ANKRD33B: variants seen among roughly 807,000 people sequenced by gnomAD.
ANKRD33B encodes the protein ankyrin repeat domain 33B.
Under a neutral mutation model 21.5 loss-of-function variants are expected in ANKRD33B, and 6 were observed. That is an observed-to-expected ratio of 0.28 (90% CI 0.15 to 0.55). ANKRD33B has a LOEUF of 0.55. Ranked by LOEUF, ANKRD33B falls within the 20% of genes least tolerant of loss-of-function variation. The pLI, the probability that ANKRD33B is intolerant of heterozygous loss-of-function variation, is 0.94. For synonymous variants in ANKRD33B, 347 were observed against 342.4 expected (o/e 1.01, Z -0.15); for missense variants, 698 against 747.2 (o/e 0.93, Z 0.77).
intron 1 of ANKRD33B, among the ~76,000 whole-genome samples, chr5:10,583,613 C>G (rs1735493162): frequency 1.3e-5 from 2 of 152,148 alleles, no homozygotes; most frequent in East Asian, 3.9e-4. Flanking sequence ...AGTTGTGAAC[C>G]TGAGTGCCTT....
chr5:10,616,952 A>G (rs1323862531), intron 1 of ANKRD33B, among the ~76,000 whole-genome samples: 2 of 152,242 alleles, frequency 1.3e-5, no homozygotes, highest in African/African-American at 4.8e-5. Flanking sequence ...GCCCAGGATC[A>G]GGGCGCTAGC....
intron 1 of ANKRD33B, among the ~76,000 whole-genome samples, chr5:10,594,648 A>G (rs1378233504): frequency 6.6e-6 from 1 of 152,150 alleles, no homozygotes; most frequent in Non-Finnish European, 1.5e-5. Flanking sequence ...TGAAGCCCTC[A>G]GAGGGTATTT....
chr5:10,656,396 C>A lies in ANKRD33B; in HGVS notation c.*6283C>A, dbSNP rs1737488886. ...GCAGTGCCAATGTGGACAGTGTACA[C>A]TAAGCTGTGAGTGTGTGCACGGGCG... On this transcript the variant is annotated 3_prime_UTR_variant, in exon 4 of 4. Transcript: ENST00000296657. 2 of 152,398 alleles carry A rather than the reference C, an allele frequency of 1.3e-5. No individual in the cohort carries two copies. The highest frequency in any genetic ancestry group is 2.9e-5 in the Non-Finnish European group (2 of 68,058). The allele number at this position is 152,398 out of a possible 1,614,324, so 9.4% of individuals were successfully genotyped here.
intron 1 of ANKRD33B, among the ~76,000 whole-genome samples, chr5:10,590,886 T>C (rs1735670293): frequency 6.6e-6 from 1 of 152,080 alleles, no homozygotes; most frequent in Admixed American, 6.5e-5. Context: ...CTTTCTGGAA[T>C]ACAATCAGGC....
intron 1 of ANKRD33B, among the ~76,000 whole-genome samples, chr5:10,609,093 C>T (rs560619024): frequency 2.6e-5 from 4 of 152,028 alleles, no homozygotes; most frequent in African/African-American, 9.6e-5. Flanking sequence ...TGAGGTGTGC[C>T]GTAAGTGTAA....
intron 3 of ANKRD33B, among the ~76,000 whole-genome samples, chr5:10,647,601 G>C (rs1301762649): frequency 6.6e-6 from 1 of 151,622 alleles, no homozygotes; most frequent in African/African-American, 2.4e-5. Context: ...ACTAGTGTCA[G>C]GGAGACTGTG....
Position 10,564,372 on chromosome 5 carries a change from G to C in ANKRD33B, c.-96G>C, listed in dbSNP as rs938302619. ...AGCGCGCGGGCCACGGCTTCTCTGG[G>C]GACGCAGAAGCGAGAAGCGGGGACC... On this transcript the variant is annotated 5_prime_UTR_variant, in exon 1 of 4. Coordinates refer to ENST00000296657, the MANE Select transcript of ANKRD33B (RefSeq NM_001164440.2). 6.9e-6 allele frequency: 6 copies of C among 864,812 alleles called. No homozygotes were observed. The highest frequency in any genetic ancestry group is 1.8e-5 in the African/African-American group (1 of 54,856). 53.6% of individuals were successfully genotyped at this position (864,812 alleles called of 1,614,324 possible).
intron 1 of ANKRD33B, among the ~76,000 whole-genome samples, chr5:10,572,916 A>T (rs562045398): frequency 1.3e-5 from 2 of 152,194 alleles, no homozygotes; most frequent in Non-Finnish European, 2.9e-5. Context: ...TTCATTCTTC[A>T]TTCCCATCTG....
chr5:10,609,672 G>A lies in ANKRD33B; in HGVS notation c.367-8661G>A, dbSNP rs1056457727. 5.3e-5 allele frequency among the ~76,000 whole-genome samples: 8 copies of A among 152,216 alleles called. No homozygotes were observed. In the South Asian group the frequency reaches 6.2e-4, roughly 12 times the overall value. On this transcript the variant is annotated intron_variant, in intron 1 of 3. Transcript: ENST00000296657. Reference sequence around the variant, plus strand: ...CCCTGTAATCCCAGCACTTTGGGAGGCTGAGGTGGGCAGATCATTTGAGGT... The same window carrying A: ...CCCTGTAATCCCAGCACTTTGGGAGACTGAGGTGGGCAGATCATTTGAGGT...
chr5:10,617,852 G>C (rs544430687), intron 1 of ANKRD33B, among the ~76,000 whole-genome samples: 3 of 152,118 alleles, frequency 2.0e-5, no homozygotes, highest in Non-Finnish European at 4.4e-5. Context: ...TCCTCTACTG[G>C]GGCATTTTCC....
chr5:10,632,363 G>A (rs1560981636), intron 2 of ANKRD33B, among the ~76,000 whole-genome samples: 1 of 152,188 alleles, frequency 6.6e-6, no homozygotes, highest in Non-Finnish European at 1.5e-5. Flanking sequence ...GGGAAGCACA[G>A]GAGCACTGCT....
At position 10,564,853 on chromosome 5, in the gene ANKRD33B, G is replaced by A. The variant is rs1442243304; in HGVS notation, c.366+20G>A. 1.4e-6 allele frequency: 2 copies of A among 1,479,770 alleles called. No homozygotes were observed. Among genetic ancestry groups the A allele is most frequent in the Middle Eastern group, 4.8e-4 (2 of 4,126 alleles). The allele number at this position is 1,479,770 out of a possible 1,614,324, so 91.7% of individuals were successfully genotyped here. A position where few individuals can be genotyped will look rare whatever the true frequency, so the allele number is the denominator to read the frequency against. ...GGCAGGGTAAGCGGGCGTCCCCGCA[G>A]GATTTGAGCCCCCTCACTGCCCCCA... On this transcript the variant is annotated intron_variant, in intron 1 of 3. Transcript: ENST00000296657.
chr5:10,635,781 C>T (rs1050528930), intron 2 of ANKRD33B, among the ~76,000 whole-genome samples: 15 of 152,240 alleles, frequency 9.9e-5, no homozygotes, highest in East Asian at 1.9e-4. Flanking sequence ...GTTCCAACCC[C>T]GGCAGTACTA....
At chr5:10,596,270 C>G (rs1214392628) in intron 1 of ANKRD33B, among the ~76,000 whole-genome samples, 4 of 152,184 alleles carry the variant, frequency 2.6e-5, no homozygotes, top group African/African-American at 9.7e-5. Flanking sequence ...AACCCATCAG[C>G]TAGGTATTAA....
intron 1 of ANKRD33B, among the ~76,000 whole-genome samples, chr5:10,601,191 C>T (rs1002918282): frequency 6.6e-6 from 1 of 151,996 alleles, no homozygotes; most frequent in South Asian, 2.1e-4. Context: ...GCAAGGCTGT[C>T]TCCTCCCACA....
chr5:10,626,670 C>T (rs1363138680), intron 2 of ANKRD33B, among the ~76,000 whole-genome samples: 1 of 152,166 alleles, frequency 6.6e-6, no homozygotes, highest in Admixed American at 6.5e-5. Context: ...CCCAAGGTGG[C>T]CCCAGCTGCT....
At chr5:10,637,413 C>T (rs61527744) in intron 2 of ANKRD33B, among the ~76,000 whole-genome samples, 11 of 130,522 alleles carry the variant, frequency 8.4e-5, no homozygotes, top group African/African-American at 2.7e-4. Flanking sequence ...TGTGTGTGGG[C>T]GTAGGTAGTT....
chr5:10,577,186 A>G (rs575499481), intron 1 of ANKRD33B, among the ~76,000 whole-genome samples: 12 of 151,022 alleles, frequency 7.9e-5, no homozygotes, highest in Admixed American at 2.6e-4. Flanking sequence ...CTGGAGTGCA[A>G]TGGCACAATC....
intron 1 of ANKRD33B, among the ~76,000 whole-genome samples, chr5:10,592,766 C>T (rs1735724760): frequency 6.6e-6 from 1 of 152,158 alleles, no homozygotes; most frequent in African/African-American, 2.4e-5. Context: ...TTTCATCTGG[C>T]AGTCCCCTCC....
Sources: allele counts gnomAD v4.1 joint callset (sites outside exome capture counted in the v4.1 genomes callset), GRCh38; gene constraint gnomAD v4.1.1; transcripts MANE v1.5; gene names NCBI Gene and HGNC (gene_info 2026-07-23, HGNC 2026-07-21).